Variants in RAP1GDS1 observed in about 807,000 individuals in gnomAD.
The protein encoded by RAP1GDS1 is RAP1, GTP-GDP dissociation stimulator 1.
A neutral mutation model predicts 71.1 loss-of-function variants in RAP1GDS1; 35 were observed. That is an observed-to-expected ratio of 0.49 (90% CI 0.38 to 0.65). The LOEUF (loss-of-function observed/expected upper bound fraction) is 0.65. Ranked by LOEUF, RAP1GDS1 falls within the 30% of genes least tolerant of loss-of-function variation. The probability of loss-of-function intolerance (pLI) is 0.00; values close to 1 mark genes in which losing one functional copy is unlikely to be tolerated. For synonymous variants in RAP1GDS1, 229 were observed against 243.1 expected (o/e 0.94, Z 0.54); for missense variants, 663 against 706.1 (o/e 0.94, Z 0.69).
At chr4:98,266,458 T>C (rs190775513) in intron 1 of RAP1GDS1, among the ~76,000 whole-genome samples, 1 of 152,184 alleles carries the variant, frequency 6.6e-6, no homozygotes, top group African/African-American at 2.4e-5. Flanking sequence ...AGTTGTAGTT[T>C]TCTCTGTAGA....
intron 2 of RAP1GDS1, among the ~76,000 whole-genome samples, chr4:98,300,987 G>A (rs915336868): frequency 6.6e-6 from 1 of 151,980 alleles, no homozygotes; most frequent in African/African-American, 2.4e-5. Context: ...CTAAGTAAGA[G>A]AGTTCTTATT....
chr4:98,413,183 T>A lies in RAP1GDS1; in HGVS notation c.764-3562T>A, dbSNP rs543337719. Among the ~76,000 whole-genome samples, 173 of 151,072 alleles carry A rather than the reference T, an allele frequency of 1.1e-3. 1 individual carries two copies. The South Asian group carries it at 0.018, about 16-fold the overall frequency. On this transcript the variant is annotated intron_variant, in intron 7 of 14. Transcript: ENST00000408927. ...CTCCCAGAGCGGCCATTTATAGACC[T>A]CCCCCCAGGAATGCAATTCCTTCCC...
chr4:98,365,177 A>T (rs761517597), intron 4 of RAP1GDS1, among the ~76,000 whole-genome samples: 12 of 152,168 alleles, frequency 7.9e-5, no homozygotes, highest in Non-Finnish European at 1.8e-4. Context: ...ATTCTTAGTA[A>T]TACCTAAGGA....
Position 98,433,942 on chromosome 4 carries a change from A to G in RAP1GDS1, c.1447A>G (p.Ile483Val), listed in dbSNP as rs1383948333. ...LIRHSKSKDV[I>V]KTIVQSGGIK... ...CTGATATTATTTATTGTAGGATGTAATTAAAACCATTGTGCAGAGTGGTGG... is the reference window on the plus strand; with the variant it reads ...CTGATATTATTTATTGTAGGATGTAGTTAAAACCATTGTGCAGAGTGGTGG... Residue 483 changes from isoleucine (I) to valine (V), a missense_variant, in exon 13 of 15, where the codon ATT becomes GTT. Ile to Val is a conservative substitution (Grantham distance 29, BLOSUM62 3). Transcript: ENST00000408927. The G allele has an allele frequency of 1.2e-6, 2 of 1,604,618 alleles. No homozygotes were observed. The highest frequency in any genetic ancestry group is 1.7e-6 in the Non-Finnish European group (2 of 1,171,710).
intron 2 of RAP1GDS1, among the ~76,000 whole-genome samples, chr4:98,312,728 T>G (rs72896311): frequency 0.013 from 1,899 of 151,834 alleles, 43 homozygotes; most frequent in African/African-American, 0.044. Flanking sequence ...CATAGATGTA[T>G]AGATATATAT....
chr4:98,376,189 T>C (rs1012228429), intron 4 of RAP1GDS1, among the ~76,000 whole-genome samples: 1 of 152,116 alleles, frequency 6.6e-6, no homozygotes, highest in Non-Finnish European at 1.5e-5. Context: ...GGTTGGATGC[T>C]TCATAATTAA....
intron 5 of RAP1GDS1, among the ~76,000 whole-genome samples, chr4:98,390,180 C>G (rs987236547): frequency 6.6e-6 from 1 of 152,076 alleles, no homozygotes; most frequent in African/African-American, 2.4e-5. Flanking sequence ...ACTTGGAAAG[C>G]TCCTTGGTGC....
intron 4 of RAP1GDS1, among the ~76,000 whole-genome samples, chr4:98,354,313 C>T (rs987956225): frequency 3.3e-5 from 5 of 152,038 alleles, no homozygotes; most frequent in East Asian, 1.9e-4. Context: ...CCACCCGCCT[C>T]GGCCTCCCAA....
In RAP1GDS1 at chr4:98,277,521, A is replaced by G. The variant is rs190257324; in HGVS notation, c.5-15887A>G. On this transcript the variant is annotated intron_variant, in intron 1 of 14. Transcript: ENST00000408927. The stretch of plus-strand genomic sequence containing the variant: ...TCGTCATAACACCAGTATATCTTTG[A>G]TTCTGTTATTATATTATTTCTTCTA... Among the ~76,000 whole-genome samples, 371 of 151,966 alleles carry G rather than the reference A, an allele frequency of 2.4e-3. 1 individual carries two copies. Among genetic ancestry groups the G allele is most frequent in the Non-Finnish European group, 3.8e-3 (260 of 67,954 alleles).
intron 2 of RAP1GDS1, among the ~76,000 whole-genome samples, chr4:98,306,395 G>A (rs1189183498): frequency 6.6e-6 from 1 of 152,148 alleles, no homozygotes; most frequent in Non-Finnish European, 1.5e-5. Flanking sequence ...GGGAAGGAGA[G>A]CGAGAGAGCG....
intron 2 of RAP1GDS1, among the ~76,000 whole-genome samples, chr4:98,316,422 C>T (rs1294020066): frequency 6.6e-6 from 1 of 152,006 alleles, no homozygotes; most frequent in Non-Finnish European, 1.5e-5. Flanking sequence ...CCTTGGGTGT[C>T]ATATTGTGGT....
At chr4:98,350,238 G>T (rs1736964289) in intron 3 of RAP1GDS1, among the ~76,000 whole-genome samples, 1 of 152,120 alleles carries the variant, frequency 6.6e-6, no homozygotes, top group African/African-American at 2.4e-5. Flanking sequence ...AACAAAACAA[G>T]CAAAATAATA....
chr4:98,403,450 A>T lies in RAP1GDS1; in HGVS notation c.638-1027A>T, dbSNP rs191919957. Among the ~76,000 whole-genome samples the T allele has an allele frequency of 1.6e-4, 25 of 152,242 alleles. No individual in the cohort carries two copies. The East Asian group carries it at 3.5e-3, about 21-fold the overall frequency. On this transcript the variant is annotated intron_variant, in intron 6 of 14. Coordinates refer to ENST00000408927, the MANE Select transcript of RAP1GDS1 (RefSeq NM_001100427.2). ...GACTCCTAGATTTCTGCCTGTGCAG[A>T]TAGACAGAGTGTTCATATACTGAGT...
chr4:98,443,236 T>G lies in RAP1GDS1; in HGVS notation c.*1119T>G. On this transcript the variant is annotated 3_prime_UTR_variant, in exon 15 of 15. Transcript: ENST00000408927. The stretch of plus-strand genomic sequence containing the variant: ...CAGATGGCCCCATACCAATCGCTGT[T>G]AGAGTTTGCCACCTCCACTTTCCCA... 4.3e-6 allele frequency: 1 copy of G among 232,602 alleles called. No homozygotes were observed. Among genetic ancestry groups the G allele is most frequent in the Non-Finnish European group, 8.5e-6 (1 of 117,748 alleles). 14.4% of individuals were successfully genotyped at this position (232,602 alleles called of 1,614,324 possible).
chr4:98,429,733 G>A (rs1000152089), intron 12 of RAP1GDS1, among the ~76,000 whole-genome samples: 1 of 152,100 alleles, frequency 6.6e-6, no homozygotes. Context: ...ATCATCCTGG[G>A]CTGCAGGTTG....
Position 98,388,699 on chromosome 4 carries a change from C to G in RAP1GDS1, c.509-3253C>G, listed in dbSNP as rs551939198. Reference sequence around the variant, plus strand: ...TGAGATCACACCACCGCACTCCAGCCTGAGCAACAGAGTGAGACTTCGTCT... The same window carrying G: ...TGAGATCACACCACCGCACTCCAGCGTGAGCAACAGAGTGAGACTTCGTCT... On this transcript the variant is annotated intron_variant, in intron 5 of 14. Coordinates refer to ENST00000408927, the MANE Select transcript of RAP1GDS1 (RefSeq NM_001100427.2). Among the ~76,000 whole-genome samples the G allele has an allele frequency of 3.9e-5, 6 of 152,284 alleles. No individual in the cohort carries two copies. The East Asian group carries it at 1.2e-3, about 29-fold the overall frequency.
At chr4:98,365,391 G>A (rs1260586083) in intron 4 of RAP1GDS1, among the ~76,000 whole-genome samples, 2 of 152,128 alleles carry the variant, frequency 1.3e-5, no homozygotes, top group African/African-American at 4.8e-5. Flanking sequence ...GAGGTGAGCA[G>A]ATCCTTTGAG....
chr4:98,340,765 A>T (rs543927467), intron 2 of RAP1GDS1, among the ~76,000 whole-genome samples: 1 of 152,020 alleles, frequency 6.6e-6, no homozygotes, highest in African/African-American at 2.4e-5. Context: ...GAAAAAATAT[A>T]TATTCACATA....
chr4:98,262,864 A>G (rs976543578), intron 1 of RAP1GDS1, among the ~76,000 whole-genome samples: 2 of 152,186 alleles, frequency 1.3e-5, no homozygotes, highest in Non-Finnish European at 2.9e-5. Context: ...CTTTGGCCAT[A>G]TATCTGGAAG....
Sources: gnomAD v4.1 joint callset for allele counts (sites outside exome capture counted in the v4.1 genomes callset) on GRCh38, gnomAD v4.1.1 for gene constraint, MANE v1.5 for transcripts, NCBI Gene and HGNC (gene_info 2026-07-23, HGNC 2026-07-21) for gene names.